RFX3: variants seen among roughly 807,000 people sequenced by gnomAD.
RFX3 encodes the protein regulatory factor X3.
Under a neutral mutation model 98.6 loss-of-function variants are expected in RFX3, and 14 were observed. That is an observed-to-expected ratio of 0.14 (90% confidence interval 0.09 to 0.22). The LOEUF (loss-of-function observed/expected upper bound fraction) is 0.22, where lower values mean the gene tolerates loss of function less well. Among genes scored for constraint, RFX3 ranks in the 10% least tolerant of loss-of-function variants. The probability of loss-of-function intolerance (pLI) is 1.00; values close to 1 mark genes in which losing one functional copy is unlikely to be tolerated. For missense variants in RFX3, 639 were observed against 926.9 expected (o/e 0.69, Z 4.03); for synonymous variants, 383 against 328.4 (o/e 1.17, Z -1.80).
chr9:3,366,289 G>A (rs887401828), intron 2 of RFX3, among the ~76,000 whole-genome samples: 1 of 152,152 alleles, frequency 6.6e-6, no homozygotes, highest in Admixed American at 6.5e-5. Context: ...GAACCTAGGT[G>A]AGATATGTGT....
intron 2 of RFX3, among the ~76,000 whole-genome samples, chr9:3,365,404 C>T (rs1437891034): frequency 6.6e-6 from 1 of 151,862 alleles, no homozygotes; most frequent in East Asian, 1.9e-4. Flanking sequence ...CACTGCACAT[C>T]ATACACTATA....
At chr9:3,274,278 G>T (rs1294291340) in intron 9 of RFX3, among the ~76,000 whole-genome samples, 2 of 152,178 alleles carry the variant, frequency 1.3e-5, no homozygotes. Context: ...TATGAGCTAA[G>T]AACCTCTTAC....
intron 1 of RFX3, among the ~76,000 whole-genome samples, chr9:3,398,138 C>T (rs1037572975): frequency 6.6e-6 from 1 of 152,184 alleles, no homozygotes; most frequent in African/African-American, 2.4e-5. Context: ...CAAACACACA[C>T]ACACACACAA....
At chr9:3,246,153 G>T (rs551038791) in intron 15 of RFX3, among the ~76,000 whole-genome samples, 122 of 152,040 alleles carry the variant, frequency 8.0e-4, no homozygotes, top group African/African-American at 2.9e-3. Context: ...CAGGTCAAAG[G>T]GCTTTCCTAT....
Position 3,497,095 on chromosome 9 carries a change from CACAGGCTGATCT to C in RFX3, c.-9+28640_-9+28651del, listed in dbSNP as rs1423236550. On this transcript the variant is annotated intron_variant, in intron 1 of 16. Coordinates refer to ENST00000617270, the MANE Select transcript of RFX3 (RefSeq NM_001282116.2). ...CAAGAGTGAGCTGTGATTTGATACT[CACAGGCTGATCT>C]ACAGTGTTTATGCCATACCTCGTGA... 5.3e-5 allele frequency among the ~76,000 whole-genome samples: 8 copies of C among 152,092 alleles called. No individual in the cohort carries two copies. In the South Asian group the frequency reaches 8.3e-4, roughly 16 times the overall value.
At chr9:3,317,351 C>T (rs941084971) in intron 4 of RFX3, among the ~76,000 whole-genome samples, 2 of 152,148 alleles carry the variant, frequency 1.3e-5, no homozygotes, top group Non-Finnish European at 2.9e-5. Flanking sequence ...TTCCTTACAC[C>T]TTATGCAAAA....
At chr9:3,263,792 C>G (rs1823234710) in intron 12 of RFX3, among the ~76,000 whole-genome samples, 1 of 152,170 alleles carries the variant, frequency 6.6e-6, no homozygotes, top group Non-Finnish European at 1.5e-5. Context: ...AACCTCCCCT[C>G]TTGTTCTCTG....
intron 1 of RFX3, among the ~76,000 whole-genome samples, chr9:3,426,588 GC>G (rs779725245): frequency 6.6e-6 from 1 of 152,064 alleles, no homozygotes; most frequent in Non-Finnish European, 1.5e-5. Flanking sequence ...ACTCCCCATT[GC>G]CCACATTACT....
chr9:3,260,178 T>C (rs1256439569), intron 13 of RFX3, among the ~76,000 whole-genome samples: 3 of 152,042 alleles, frequency 2.0e-5, no homozygotes, highest in Admixed American at 6.6e-5. Flanking sequence ...TACTGTGTCA[T>C]GGTACTCTGA....
chr9:3,390,602 G>T lies in RFX3; in HGVS notation c.117+4870C>A, dbSNP rs898297135. On this transcript the variant is annotated intron_variant, in intron 2 of 16. Transcript: ENST00000617270. ...CCCACATTGTTGTGGGAGGAACCCG[G>T]TGGGAGGCAACTGACTCATGAGGGC... 5.3e-5 allele frequency among the ~76,000 whole-genome samples: 8 copies of T among 152,128 alleles called. No individual in the cohort carries two copies. In the East Asian group the frequency reaches 1.2e-3, roughly 22 times the overall value.
chr9:3,406,525 A>G (rs1841990018), intron 1 of RFX3, among the ~76,000 whole-genome samples: 1 of 152,054 alleles, frequency 6.6e-6, no homozygotes, highest in African/African-American at 2.4e-5. Context: ...ACAAGACTAT[A>G]AACTCCATGA....
intron 1 of RFX3, among the ~76,000 whole-genome samples, chr9:3,433,962 G>C (rs1844886424): frequency 6.6e-6 from 1 of 152,148 alleles, no homozygotes; most frequent in Admixed American, 6.6e-5. Flanking sequence ...GGCGGATTTG[G>C]CACCAAGGCC....
At position 3,489,561 on chromosome 9, in the gene RFX3, T is replaced by C. The variant is rs142410567; in HGVS notation, c.-9+36186A>G. The C allele has an allele frequency of 4.3e-3, 1,006 of 236,366 alleles. 8 individuals carry two copies. Among genetic ancestry groups the C allele is most frequent in the Admixed American group, 7.6e-3 (117 of 15,388 alleles). 14.6% of individuals were successfully genotyped at this position (236,366 alleles called of 1,614,324 possible). ...ACTTAATATCTACTGATAAGCCTGC[T>C]ACTGTATCATTGGCTTAATTTCATA... On this transcript the variant is annotated intron_variant, in intron 1 of 16. Transcript: ENST00000617270.
chr9:3,432,035 TGAA>T (rs1844702038), intron 1 of RFX3, among the ~76,000 whole-genome samples: 1 of 152,066 alleles, frequency 6.6e-6, no homozygotes, highest in Admixed American at 6.6e-5. Context: ...CCCCAAGCCA[TGAA>T]GAAGAAAGAT....
At chr9:3,305,675 G>A (rs1829211641) in intron 4 of RFX3, among the ~76,000 whole-genome samples, 1 of 151,992 alleles carries the variant, frequency 6.6e-6, no homozygotes, top group African/African-American at 2.4e-5. Flanking sequence ...CCCATGATTT[G>A]GGTTTATCAT....
intron 1 of RFX3, among the ~76,000 whole-genome samples, chr9:3,468,696 G>T (rs1848520607): frequency 6.7e-6 from 1 of 150,150 alleles, no homozygotes; most frequent in South Asian, 2.1e-4. Flanking sequence ...TCTTTGTTAA[G>T]AAAGAAAAAG....
At chr9:3,511,056 G>T (rs1052630759) in intron 1 of RFX3, among the ~76,000 whole-genome samples, 2 of 151,908 alleles carry the variant, frequency 1.3e-5, no homozygotes, top group East Asian at 3.9e-4. Flanking sequence ...TTTAAAGACC[G>T]CCACAAAATA....
Position 3,280,069 on chromosome 9 carries a change from C to G in RFX3, c.852-2608G>C, listed in dbSNP as rs142737294. Among the ~76,000 whole-genome samples the G allele has an allele frequency of 6.1e-3, 925 of 151,750 alleles. 3 individuals carry two copies. The highest frequency in any genetic ancestry group is 9.9e-3 in the Non-Finnish European group (669 of 67,780). ...ACTTGGAAATGAGTGTTTTTTCATT[C>G]TAACCACAAGAGTAAGGGTAGCACG... On this transcript the variant is annotated intron_variant, in intron 7 of 16. Transcript: ENST00000617270.
intron 7 of RFX3, among the ~76,000 whole-genome samples, chr9:3,282,883 G>A (rs1482879563): frequency 6.6e-6 from 1 of 151,704 alleles, no homozygotes; most frequent in East Asian, 1.9e-4. Context: ...GTGGTCCTCA[G>A]TTTCCTTATC....
Sources: allele counts gnomAD v4.1 joint callset (sites outside exome capture counted in the v4.1 genomes callset), GRCh38; gene constraint gnomAD v4.1.1; transcripts MANE v1.5; gene names NCBI Gene and HGNC (gene_info 2026-07-23, HGNC 2026-07-21).